The following NLGN1 variants were observed in gnomAD, a reference collection of about 807,000 sequenced individuals.
NLGN1 encodes neuroligin 1.
In NLGN1, 12 loss-of-function variants were observed where a neutral mutation model predicts 65.5. The observed-to-expected ratio is 0.18, with a 90% CI of 0.12 to 0.30. NLGN1 has a LOEUF of 0.30. NLGN1 is among the 10% of genes least tolerant of loss of function. The pLI is 1.00. For missense variants in NLGN1, 750 were observed against 1,007.1 expected (o/e 0.74, Z 3.46); for synonymous variants, 350 against 359.5 (o/e 0.97, Z 0.30).
At chr3:173,466,337 T>A (rs565399258) in intron 2 of NLGN1, among the ~76,000 whole-genome samples, 1 of 152,284 alleles carries the variant, frequency 6.6e-6, no homozygotes, top group East Asian at 1.9e-4. Context: ...GCTGTGCTGG[T>A]AATCTGGCTT....
At chr3:173,446,454 C>T (rs1464940426) in intron 2 of NLGN1, among the ~76,000 whole-genome samples, 2 of 152,110 alleles carry the variant, frequency 1.3e-5, no homozygotes, top group Non-Finnish European at 2.9e-5. Flanking sequence ...TTTTCTTAAT[C>T]CAGTCTATCA....
At chr3:173,707,024 T>G (rs1162134694) in intron 3 of NLGN1, among the ~76,000 whole-genome samples, 1 of 152,224 alleles carries the variant, frequency 6.6e-6, no homozygotes, top group Non-Finnish European at 1.5e-5. Context: ...TTATAGAACT[T>G]ATATGGTGCC....
the NLGN1 span, among the ~76,000 whole-genome samples, chr3:174,292,640 G>T: frequency 6.7e-6 from 1 of 150,238 alleles, no homozygotes; most frequent in Non-Finnish European, 1.5e-5. Flanking sequence ...ATACAGCAAG[G>T]TAGCCAAATG....
At position 173,787,168 on chromosome 3, in the gene NLGN1, G is replaced by A. The variant is rs112717166; in HGVS notation, c.494-20512G>A. ...AATTCACCATCGAGTACTCAAAATT[G>A]CAGCTTCTCTTAGTGTATTTAAAAT... On this transcript the variant is annotated intron_variant, in intron 3 of 6. Transcript: ENST00000457714. Among the ~76,000 whole-genome samples, 784 of 151,834 alleles carry A rather than the reference G, an allele frequency of 5.2e-3. 5 individuals carry two copies. Among genetic ancestry groups the A allele is most frequent in the African/African-American group, 0.018 (730 of 41,416 alleles).
At chr3:173,422,146 T>TACACACACAC (rs1553846239) in intron 1 of NLGN1, among the ~76,000 whole-genome samples, 4 of 130,318 alleles carry the variant, frequency 3.1e-5, no homozygotes, top group African/African-American at 1.1e-4. Flanking sequence ...ACACTATATA[T>TACACACACAC]ACACACACAC....
At chr3:173,453,326 A>T (rs2148857148) in intron 2 of NLGN1, among the ~76,000 whole-genome samples, 1 of 151,014 alleles carries the variant, frequency 6.6e-6, no homozygotes, top group African/African-American at 2.4e-5. Flanking sequence ...TTGAATTGCT[A>T]GGCTCAAGTG....
chr3:173,807,970 A>T (rs1717025935), intron 4 of NLGN1, 138 bp downstream of exon 4: 1 of 762,016 alleles, frequency 1.3e-6, no homozygotes, highest in Admixed American at 2.7e-5. Flanking sequence ...CAAATTTTTT[A>T]TAGTTTCAAT....
intron 4 of NLGN1, among the ~76,000 whole-genome samples, chr3:174,027,475 TC>T (rs1419358297): frequency 1.3e-5 from 2 of 152,110 alleles, no homozygotes. Flanking sequence ...AGGTCCACAA[TC>T]TCTTTGGTGC....
chr3:173,808,323 T>G (rs1386066178), intron 4 of NLGN1, among the ~76,000 whole-genome samples: 1 of 152,146 alleles, frequency 6.6e-6, no homozygotes, highest in East Asian at 1.9e-4. Flanking sequence ...TTTTTCTGAA[T>G]GTATTCTGAT....
intron 2 of NLGN1, among the ~76,000 whole-genome samples, chr3:173,576,599 TCTCTTA>T (rs1315055910): frequency 1.3e-5 from 2 of 152,148 alleles, no homozygotes; most frequent in Admixed American, 1.3e-4. Context: ...TGTTATCACA[TCTCTTA>T]CTCTTATTCT....
At chr3:173,934,474 C>T (rs1744693877) in intron 4 of NLGN1, among the ~76,000 whole-genome samples, 2 of 151,526 alleles carry the variant, frequency 1.3e-5, no homozygotes, top group African/African-American at 4.8e-5. Flanking sequence ...GCATGCAAAC[C>T]ACAGGTTACA....
chr3:173,558,418 A>G (rs1200968502), intron 2 of NLGN1, among the ~76,000 whole-genome samples: 1 of 151,946 alleles, frequency 6.6e-6, no homozygotes, highest in African/African-American at 2.4e-5. Flanking sequence ...ACCCCATCCT[A>G]TATATCCTCT....
chr3:173,800,020 T>TA lies in NLGN1; in HGVS notation c.494-7656dup, dbSNP rs34809469. The stretch of plus-strand genomic sequence containing the variant: ...CAATGGGTATTTTTTTTTTTTTTTT[T>TA]AAAAGTCTTTGCTCATGACTTGATT... On this transcript the variant is annotated intron_variant, in intron 3 of 6. Transcript: ENST00000457714. Among the ~76,000 whole-genome samples, 3 of 141,246 alleles carry TA rather than the reference T, an allele frequency of 2.1e-5. No homozygotes were observed. In the South Asian group the frequency reaches 6.6e-4, roughly 31 times the overall value. 92.7% of individuals were successfully genotyped at this position (141,246 alleles called of 152,430 possible). A position where few individuals can be genotyped will look rare whatever the true frequency, so the allele number is the denominator to read the frequency against.
At chr3:173,992,482 C>CT (rs201245783) in intron 4 of NLGN1, among the ~76,000 whole-genome samples, 1,872 of 152,182 alleles carry the variant, frequency 0.012, 33 homozygotes, top group African/African-American at 0.04. Flanking sequence ...ACCAATGGCT[C>CT]TTTTTTTCTC....
At chr3:173,626,825 C>T (rs1045250991) in intron 3 of NLGN1, among the ~76,000 whole-genome samples, 16 of 151,984 alleles carry the variant, frequency 1.1e-4, no homozygotes, top group African/African-American at 3.6e-4. Flanking sequence ...ATTATTATAA[C>T]TGGTGACTTT....
chr3:173,935,593 T>TACGCAC (rs1553894768), intron 4 of NLGN1, among the ~76,000 whole-genome samples: 1 of 142,688 alleles, frequency 7.0e-6, no homozygotes, highest in Non-Finnish European at 1.5e-5. Context: ...ATATACAGTC[T>TACGCAC]ACACACACAC....
chr3:174,197,374 T>C (rs1733613512), intron 4 of NLGN1, among the ~76,000 whole-genome samples: 1 of 151,930 alleles, frequency 6.6e-6, no homozygotes, highest in Non-Finnish European at 1.5e-5. Context: ...GAAAAATAAC[T>C]ATAGGTATAG....
intron 2 of NLGN1, among the ~76,000 whole-genome samples, chr3:173,529,851 G>T (rs1281204691): frequency 6.6e-6 from 1 of 152,170 alleles, no homozygotes; most frequent in East Asian, 1.9e-4. Flanking sequence ...GGAGTTGGCT[G>T]GTTGGGTTGA....
At chr3:173,971,235 A>G (rs1716165599) in intron 4 of NLGN1, among the ~76,000 whole-genome samples, 2 of 152,304 alleles carry the variant, frequency 1.3e-5, no homozygotes, top group South Asian at 4.1e-4. Context: ...TCCAGGAAAT[A>G]AATTGTTTAT....
Sources: allele counts gnomAD v4.1 joint callset (sites outside exome capture counted in the v4.1 genomes callset), GRCh38; gene constraint gnomAD v4.1.1; transcripts MANE v1.5; gene names NCBI Gene and HGNC (gene_info 2026-07-23, HGNC 2026-07-21).